SMG9: variants seen among roughly 807,000 people sequenced by gnomAD.
SMG9 encodes the protein SMG9 nonsense mediated mRNA decay factor.
A neutral mutation model predicts 64.0 loss-of-function variants in SMG9; 55 were observed. The ratio of observed to expected loss-of-function variants is 0.86; its 90% CI spans 0.69 to 1.08. The LOEUF is 1.08. Among genes scored for constraint, SMG9 ranks in the 50% least tolerant of loss-of-function variants. The pLI, the probability that SMG9 is intolerant of heterozygous loss-of-function variation, is 0.00. For synonymous variants in SMG9, 244 were observed against 254.8 expected (o/e 0.96, Z 0.41); for missense variants, 554 against 681.3 (o/e 0.81, Z 2.08).
intron 6 of SMG9, among the ~76,000 whole-genome samples, 191 bp downstream of exon 6, chr19:43,744,581 G>C (rs1374084064): frequency 3.3e-5 from 5 of 152,170 alleles, no homozygotes; most frequent in African/African-American, 9.7e-5. Context: ...AACAGGATTG[G>C]ATGCCTTGGA....
intron 7 of SMG9, 171 bp downstream of exon 7, chr19:43,739,936 A>C (rs999482235): frequency 8.1e-6 from 5 of 614,026 alleles, no homozygotes; most frequent in African/African-American, 1.8e-5. Context: ...GGCAAAAGTG[A>C]CAAGAGACTA....
At chr19:43,738,949 CTG>C (rs1968759847) in intron 7 of SMG9, among the ~76,000 whole-genome samples, 1 of 152,258 alleles carries the variant, frequency 6.6e-6, no homozygotes, top group African/African-American at 2.4e-5. Flanking sequence ...ATTTTCCACT[CTG>C]TGTCATCAAT....
In SMG9 at chr19:43,746,091, T is replaced by C. The variant is rs141350019; in HGVS notation, c.589-1207A>G. ...GGGAAGCTGAGGCTGGAGAACTGCT[T>C]GAACCCGGGAGGTGGAGGTTGCAGT... On this transcript the variant is annotated intron_variant, in intron 5 of 13. Transcript: ENST00000270066. 2.9e-3 allele frequency among the ~76,000 whole-genome samples: 435 copies of C among 152,208 alleles called. 3 individuals carry two copies. The highest frequency in any genetic ancestry group is 0.01 in the African/African-American group (429 of 41,520).
chr19:43,740,084 G>T, intron 7 of SMG9, 23 bp downstream of exon 7: 1 of 1,515,762 alleles, frequency 6.6e-7, no homozygotes. Context: ...GCAGGGTGGG[G>T]CAAAGGCAGG....
chr19:43,748,591 C>T, intron 2 of SMG9: 1 of 510,076 alleles, frequency 2.0e-6, no homozygotes. Flanking sequence ...ACTTGCTATC[C>T]TGATCACCTC....
chr19:43,736,727 G>C (rs543031975), intron 9 of SMG9, among the ~76,000 whole-genome samples: 2 of 152,310 alleles, frequency 1.3e-5, no homozygotes, highest in Admixed American at 6.5e-5. Flanking sequence ...ACATTCGAAT[G>C]GGGGAGAAAG....
At chr19:43,752,030 T>C (rs1376383559) in intron 1 of SMG9, among the ~76,000 whole-genome samples, 1 of 152,218 alleles carries the variant, frequency 6.6e-6, no homozygotes, top group Non-Finnish European at 1.5e-5. Flanking sequence ...GTCCAACAGC[T>C]ACTCTTGATT....
At chr19:43,752,477 T>C (rs572922021) in intron 1 of SMG9, among the ~76,000 whole-genome samples, 46 of 152,388 alleles carry the variant, frequency 3.0e-4, no homozygotes, top group African/African-American at 1.1e-3. Context: ...GAAAGTTTTA[T>C]CGGAACATGG....
intron 9 of SMG9, among the ~76,000 whole-genome samples, chr19:43,736,074 A>AC (rs1400907948): frequency 6.6e-6 from 1 of 152,218 alleles, no homozygotes; most frequent in Non-Finnish European, 1.5e-5. Context: ...TCTGGTCAGA[A>AC]CAACCAACTC....
chr19:43,731,808 C>T (rs2146354823), intron 13 of SMG9, 134 bp from the exon 14 acceptor site: 2 of 1,060,690 alleles, frequency 1.9e-6, no homozygotes, highest in Admixed American at 4.9e-5. Flanking sequence ...AACCCAATCT[C>T]CTCGACTGGG....
In SMG9 at chr19:43,733,702, G is replaced by A; in HGVS notation, c.1134C>T (p.Asp378=). The change falls in exon 11 of 14, where the codon GAC becomes GAT. Residue 378 remains aspartate (D), a synonymous_variant. Transcript: ENST00000270066. ...TCTGCCGCAGCTTCCGAGGACAGAAGTCCTCTCGGCGAGCTTTGTTCTGCA... is the reference window on the plus strand; with the variant it reads ...TCTGCCGCAGCTTCCGAGGACAGAAATCCTCTCGGCGAGCTTTGTTCTGCA... The part of the protein sequence containing the change: ...VFLQNKARRE[D]FCPRKLRQMH... 1.2e-6 allele frequency: 2 copies of A among 1,614,196 alleles called. No homozygotes were observed. The highest frequency in any genetic ancestry group is 1.7e-6 in the Non-Finnish European group (2 of 1,180,040).
At position 43,740,290 on chromosome 19, in the gene SMG9, C is replaced by T. The variant is rs1172204386; in HGVS notation, c.702-72G>A. 3.0e-5 allele frequency: 33 copies of T among 1,093,792 alleles called. 1 individual carries two copies. The South Asian group carries it at 3.8e-4, about 13-fold the overall frequency. 67.8% of individuals were successfully genotyped at this position (1,093,792 alleles called of 1,614,324 possible). On this transcript the variant is annotated intron_variant, in intron 6 of 13. Transcript: ENST00000270066. Reference sequence around the variant, plus strand: ...CCTTGGATGCATCCGAAGTGTGACCCTGTGAGCTGAGCATGTGAGCCGTGG... The same window carrying T: ...CCTTGGATGCATCCGAAGTGTGACCTTGTGAGCTGAGCATGTGAGCCGTGG...
Position 43,747,745 on chromosome 19 carries a change from G to C in SMG9, c.378C>G (p.Pro126=). Residue 126 remains proline, a synonymous_variant, in exon 4 of 14, where the codon CCC becomes CCG. Coordinates refer to ENST00000270066, the MANE Select transcript of SMG9 (RefSeq NM_019108.4). ...ASTPEGTAPP[P]PAAPAPPKGE... is the part of the protein sequence containing the mutation. ...CCTTGGGTGGCGCAGGGGCTGCAGGGGGTGGTGGGGCGGTGCCCTCAGGGG... is the reference window on the plus strand; with the variant it reads ...CCTTGGGTGGCGCAGGGGCTGCAGGCGGTGGTGGGGCGGTGCCCTCAGGGG... The C allele has an allele frequency of 6.2e-7, 1 of 1,610,828 alleles. No homozygotes were observed. The highest frequency in any genetic ancestry group is 1.1e-5 in the South Asian group (1 of 90,664).
chr19:43,749,167 CTG>C (rs1307402176), intron 2 of SMG9, among the ~76,000 whole-genome samples: 1 of 152,132 alleles, frequency 6.6e-6, no homozygotes, highest in African/African-American at 2.4e-5. Flanking sequence ...GGGATGAACG[CTG>C]TGAGGGTAGA....
At position 43,730,805 on chromosome 19, in the gene SMG9, T is replaced by A. The variant is rs376812436; in HGVS notation, c.*791A>T. 6.6e-6 allele frequency: 1 copy of A among 152,244 alleles called. No homozygotes were observed. The highest frequency in any genetic ancestry group is 1.5e-5 in the Non-Finnish European group (1 of 68,112). 9.4% of individuals were successfully genotyped at this position (152,244 alleles called of 1,614,324 possible). A position where few individuals can be genotyped will look rare whatever the true frequency, so the allele number is the denominator to read the frequency against. ...CTGGTCTCGAACTCCTGATCTCAAG[T>A]GATCCGCCTGCCTCGGCCTCCCAAA... On this transcript the variant is annotated 3_prime_UTR_variant, in exon 14 of 14. Transcript: ENST00000270066.
In SMG9 at chr19:43,739,229, G is replaced by A. The variant is rs1362887583; in HGVS notation, c.813+878C>T. On this transcript the variant is annotated intron_variant, in intron 7 of 13. Transcript: ENST00000270066. ...CGTTAGCCAGGCAAAAACGCAAGGC[G>A]AGAGCCTATTGTACTGATAATGGTA... Among the ~76,000 whole-genome samples the A allele has an allele frequency of 2.6e-5, 4 of 152,352 alleles. 1 individual carries two copies. The highest frequency in any genetic ancestry group is 6.8e-3 in the Middle Eastern group (2 of 294).
chr19:43,735,436 C>G (rs1003853381), intron 9 of SMG9, among the ~76,000 whole-genome samples: 1 of 151,840 alleles, frequency 6.6e-6, no homozygotes, highest in Middle Eastern at 3.4e-3. Flanking sequence ...TGGCCAACAT[C>G]GCGAAACTGT....
At position 43,732,931 on chromosome 19, in the gene SMG9, T is replaced by TTCCAGTC. The variant is rs1568594383; in HGVS notation, c.1410_1411insGACTGGA (p.Ser471AspfsTer89). 6.2e-7 allele frequency: 1 copy of TTCCAGTC among 1,613,650 alleles called. No homozygotes were observed. The highest frequency in any genetic ancestry group is 1.3e-5 in the African/African-American group (1 of 74,794). On this transcript the variant is annotated frameshift_variant, in exon 13 of 14. Transcript: ENST00000270066. LOFTEE classifies it high-confidence loss of function. Reference sequence around the variant, plus strand: ...GACATCACTTGGCTCCGGAGCTTGCTCACCAAGGACTGGAAACTGGGGTGG... The same window carrying TTCCAGTC: ...GACATCACTTGGCTCCGGAGCTTGCTTCCAGTCCACCAAGGACTGGAAACTGGGGTGG...
chr19:43,741,704 C>T (rs1268621580), intron 6 of SMG9, among the ~76,000 whole-genome samples: 2 of 152,306 alleles, frequency 1.3e-5, no homozygotes, highest in Middle Eastern at 3.4e-3. Context: ...CCACTTCAGA[C>T]GCATTGCCCA....
Sources: allele counts gnomAD v4.1 joint callset (sites outside exome capture counted in the v4.1 genomes callset), GRCh38; gene constraint gnomAD v4.1.1; transcripts MANE v1.5; gene names NCBI Gene and HGNC (gene_info 2026-07-23, HGNC 2026-07-21).